ALPK1: variants seen among roughly 807,000 people sequenced by gnomAD.
ALPK1 encodes the protein alpha-protein kinase 1.
A neutral mutation model predicts 120.6 loss-of-function variants in ALPK1; 110 were observed. That is an observed-to-expected ratio of 0.91 (90% confidence interval 0.78 to 1.07). The LOEUF (loss-of-function observed/expected upper bound fraction) is 1.07. Ranked by LOEUF, ALPK1 falls within the 50% of genes least tolerant of loss-of-function variation. ALPK1 has a pLI of 0.00. For synonymous variants in ALPK1, 582 were observed against 560.3 expected, an observed-to-expected ratio of 1.04 and a Z score of -0.55; for missense variants, 1,498 against 1,483.9, an observed-to-expected ratio of 1.01 and a Z score of -0.16.
At chr4:112,383,662 T>A (rs531031889) in intron 4 of ALPK1, 1 of 152,282 alleles carries the variant, frequency 6.6e-6, no homozygotes, top group African/African-American at 2.4e-5. Flanking sequence ...AAAAGTAGAA[T>A]AAAATAATAA....
intron 2 of ALPK1, among the ~76,000 whole-genome samples, chr4:112,354,450 T>TTTTTG (rs1730506575): frequency 6.6e-6 from 1 of 152,100 alleles, no homozygotes; most frequent in African/African-American, 2.4e-5. Context: ...CTTTTACTGT[T>TTTTTG]TTTTGTTTTG....
intron 1 of ALPK1, among the ~76,000 whole-genome samples, chr4:112,310,757 G>GT (rs901897785): frequency 5.3e-5 from 8 of 151,826 alleles, no homozygotes; most frequent in Admixed American, 3.3e-4. Flanking sequence ...TTTTCCTTAA[G>GT]TTTTTTTTGA....
At chr4:112,383,285 T>TTATATA (rs60270399) in intron 4 of ALPK1, 1 of 149,476 alleles carries the variant, frequency 6.7e-6, no homozygotes, top group African/African-American at 2.4e-5. Context: ...GCTTGCTAAT[T>TTATATA]TATATATATA....
chr4:112,409,895 C>T (rs1733374318), intron 4 of ALPK1, among the ~76,000 whole-genome samples: 1 of 152,088 alleles, frequency 6.6e-6, no homozygotes, highest in South Asian at 2.1e-4. Context: ...CAATGATAGA[C>T]TCAGACCAAA....
chr4:112,431,924 G>T lies in ALPK1; in HGVS notation c.2377G>T (p.Glu793Ter), dbSNP rs1254996109. Residue 793 changes from glutamate to a stop codon, truncating the protein, a stop_gained, in exon 11 of 16, where the codon GAA becomes TAA. Transcript: ENST00000650871. LOFTEE classifies it high-confidence loss of function. ...SWVDPEGETAESTEDAPLDFH... is the reference protein window; with the variant it reads ...SWVDPEGETA ...GGTTGACCCAGAAGGAGAAACAGCA[G>T]AAAGCACTGAAGATGCACCCTTAGA... is the stretch of plus-strand genomic sequence containing the variant. 6.2e-7 allele frequency: 1 copy of T among 1,614,068 alleles called. No individual in the cohort carries two copies. The highest frequency in any genetic ancestry group is 1.3e-5 in the African/African-American group (1 of 75,060).
At chr4:112,319,675 G>A (rs1226767424) in intron 2 of ALPK1, among the ~76,000 whole-genome samples, 2 of 152,204 alleles carry the variant, frequency 1.3e-5, no homozygotes, top group African/African-American at 4.8e-5. Flanking sequence ...CCACCCATGA[G>A]CATGGGATGT....
At chr4:112,421,097 G>A (rs893245680) in intron 5 of ALPK1, among the ~76,000 whole-genome samples, 1 of 152,128 alleles carries the variant, frequency 6.6e-6, no homozygotes, top group African/African-American at 2.4e-5. Context: ...TCTCCCAAAT[G>A]CTGGGATTAC....
At chr4:112,439,938 C>A in intron 14 of ALPK1, 66 bp downstream of exon 14, 1 of 1,328,930 alleles carries the variant, frequency 7.5e-7, no homozygotes, top group Non-Finnish European at 1.0e-6. Flanking sequence ...TTGTAACTAG[C>A]TTCCCTAATC....
At chr4:112,348,701 G>C (rs1730199313) in intron 2 of ALPK1, among the ~76,000 whole-genome samples, 1 of 152,240 alleles carries the variant, frequency 6.6e-6, no homozygotes, top group Non-Finnish European at 1.5e-5. Flanking sequence ...GAGGCTCCCT[G>C]CCAAGACCCA....
intron 5 of ALPK1, among the ~76,000 whole-genome samples, chr4:112,419,456 T>G (rs1022641877): frequency 2.7e-5 from 4 of 146,604 alleles, no homozygotes; most frequent in Non-Finnish European, 4.5e-5. Flanking sequence ...GCAATGAGGT[T>G]TAAAACAGAG....
intron 1 of ALPK1, among the ~76,000 whole-genome samples, chr4:112,308,067 A>C (rs1181458639): frequency 6.6e-6 from 1 of 152,094 alleles, no homozygotes; most frequent in East Asian, 1.9e-4. Flanking sequence ...AGAATGTTGA[A>C]TATTGGCCCC....
At chr4:112,406,143 A>G (rs1189193610) in intron 4 of ALPK1, among the ~76,000 whole-genome samples, 1 of 152,226 alleles carries the variant, frequency 6.6e-6, no homozygotes, top group African/African-American at 2.4e-5. Context: ...ATCCAAAAGA[A>G]GTAAAGCAGG....
chr4:112,358,335 G>A (rs542135554), intron 2 of ALPK1: 31 of 595,280 alleles, frequency 5.2e-5, no homozygotes, highest in African/African-American at 2.6e-4. Context: ...CAGTTCTTCC[G>A]TGTTGCTGAG....
At chr4:112,413,107 G>T (rs1312319396) in intron 5 of ALPK1, among the ~76,000 whole-genome samples, 1 of 152,204 alleles carries the variant, frequency 6.6e-6, no homozygotes, top group African/African-American at 2.4e-5. Flanking sequence ...TCTTTAAAAT[G>T]TTCCTGATGT....
chr4:112,428,556 G>A (rs1039254553), intron 9 of ALPK1, among the ~76,000 whole-genome samples: 4 of 152,126 alleles, frequency 2.6e-5, no homozygotes, highest in Non-Finnish European at 5.9e-5. Flanking sequence ...CCTGATGACC[G>A]TTTAAAATTG....
chr4:112,413,670 C>G (rs948295843), intron 5 of ALPK1, among the ~76,000 whole-genome samples: 1 of 152,334 alleles, frequency 6.6e-6, no homozygotes, highest in East Asian at 1.9e-4. Context: ...CCACCCACCT[C>G]GGCCTCCCAG....
intron 1 of ALPK1, among the ~76,000 whole-genome samples, chr4:112,305,464 A>G (rs1178127796): frequency 1.3e-5 from 2 of 152,042 alleles, no homozygotes; most frequent in South Asian, 4.1e-4. Context: ...GAGGTCCTTC[A>G]CATCCCTTGT....
At chr4:112,421,160 A>G (rs1212461422) in intron 5 of ALPK1, among the ~76,000 whole-genome samples, 1 of 152,112 alleles carries the variant, frequency 6.6e-6, no homozygotes, top group African/African-American at 2.4e-5. Flanking sequence ...AAAACATCTC[A>G]GCGTACTCCA....
At chr4:112,357,186 C>T in intron 2 of ALPK1, 2 of 1,549,570 alleles carry the variant, frequency 1.3e-6, no homozygotes, top group Non-Finnish European at 1.8e-6. Flanking sequence ...GAGCTGTTTG[C>T]TGAAGCCCAG....
Sources: allele counts gnomAD v4.1 joint callset (sites outside exome capture counted in the v4.1 genomes callset), GRCh38; gene constraint gnomAD v4.1.1; transcripts MANE v1.5; gene names NCBI Gene and HGNC (gene_info 2026-07-23, HGNC 2026-07-21).